LARS1: variants seen among roughly 807,000 people sequenced by gnomAD.
LARS1 encodes leucine--tRNA ligase, cytoplasmic.
LARS1 carries 100 observed loss-of-function variants against 162.8 expected under a neutral mutation model. That is an observed-to-expected ratio of 0.61 (90% CI 0.52 to 0.73). The LOEUF is 0.73. Among genes scored for constraint, LARS1 ranks in the 30% least tolerant of loss-of-function variants. LARS1 has a pLI of 0.00. For missense variants in LARS1, 1,258 were observed against 1,408.9 expected (o/e 0.89, Z 1.71); for synonymous variants, 457 against 462.8 (o/e 0.99, Z 0.16).
chr5:146,130,992 T>C (rs1343288528), intron 24 of LARS1, 27 bp downstream of exon 24: 3 of 1,310,112 alleles, frequency 2.3e-6, no homozygotes, highest in African/African-American at 1.5e-5. Flanking sequence ...ACATGTTTTA[T>C]AGCTACCAAA....
intron 20 of LARS1, among the ~76,000 whole-genome samples, chr5:146,141,924 G>A (rs57491176): frequency 6.6e-6 from 1 of 152,150 alleles, no homozygotes; most frequent in Non-Finnish European, 1.5e-5. Flanking sequence ...ACTTTGGGAG[G>A]CCAAGGCGGG....
intron 10 of LARS1, among the ~76,000 whole-genome samples, chr5:146,154,845 A>G: frequency 6.6e-6 from 1 of 152,072 alleles, no homozygotes; most frequent in Non-Finnish European, 1.5e-5. Context: ...TTTTATACCT[A>G]CTAGAGGAAA....
At chr5:146,126,612 T>C (rs904597183) in intron 27 of LARS1, 67 bp from the exon 28 acceptor site, 2 of 1,034,282 alleles carry the variant, frequency 1.9e-6, no homozygotes, top group Non-Finnish European at 3.0e-6. Flanking sequence ...GAACAGTAGA[T>C]GTGACCAGGC....
At chr5:146,157,872 T>G (rs1259484109) in intron 8 of LARS1, 77 bp from the exon 9 acceptor site, 1 of 1,386,576 alleles carries the variant, frequency 7.2e-7, no homozygotes, top group East Asian at 2.3e-5. Flanking sequence ...GTGAGAGATC[T>G]GATTCAAGTC....
intron 21 of LARS1, among the ~76,000 whole-genome samples, chr5:146,139,174 T>A (rs1265397815): frequency 1.3e-5 from 2 of 151,342 alleles, no homozygotes; most frequent in African/African-American, 4.9e-5. Flanking sequence ...AAACCCCATC[T>A]CTACGGAAAA....
chr5:146,164,201 A>G, intron 6 of LARS1, 109 bp downstream of exon 6: 2 of 1,132,852 alleles, frequency 1.8e-6, no homozygotes, highest in Non-Finnish European at 2.6e-6. Flanking sequence ...GGTTGCCACA[A>G]ATCTTCAATT....
intron 25 of LARS1, 118 bp downstream of exon 25, chr5:146,129,900 A>G (rs1208507305): frequency 9.8e-7 from 1 of 1,018,844 alleles, no homozygotes; most frequent in Non-Finnish European, 1.4e-6. Flanking sequence ...TGAATCCAGC[A>G]TTACTCTTGA....
rs1435873344 is a variant in LARS1, at chr5:146,113,568, G to T, written c.*538C>A. On this transcript the variant is annotated 3_prime_UTR_variant, in exon 32 of 32. Transcript: ENST00000394434. ...GCTTTAAAAAGTCTTATAAAATGCA[G>T]GACCTATTTGTTCTTTATACAAAAT... 6.6e-6 allele frequency: 1 copy of T among 152,334 alleles called. No homozygotes were observed. The highest frequency in any genetic ancestry group is 2.1e-4 in the South Asian group (1 of 4,846). The allele number at this position is 152,334 out of a possible 1,614,324, so 9.4% of individuals were successfully genotyped here. A position where few individuals can be genotyped will look rare whatever the true frequency, so the allele number is the denominator to read the frequency against.
intron 1 of LARS1, chr5:146,181,069 A>G (rs977238768): frequency 1.3e-5 from 2 of 152,022 alleles, no homozygotes; most frequent in African/African-American, 2.4e-5. Context: ...AAAAATTGCA[A>G]CAGGCCAGGC....
chr5:146,148,230 G>A (rs1388865467), intron 15 of LARS1, among the ~76,000 whole-genome samples: 1 of 152,334 alleles, frequency 6.6e-6, no homozygotes, highest in Admixed American at 6.5e-5. Context: ...AGGAGATCCA[G>A]CTCAAGAGGA....
intron 2 of LARS1, among the ~76,000 whole-genome samples, chr5:146,175,711 C>G (rs2126600120): frequency 6.6e-6 from 1 of 151,966 alleles, no homozygotes; most frequent in East Asian, 1.9e-4. Context: ...GCCTGTAGTT[C>G]CAGCTACTCA....
intron 14 of LARS1, among the ~76,000 whole-genome samples, chr5:146,151,639 G>A (rs532164022): frequency 1.3e-5 from 2 of 152,250 alleles, no homozygotes; most frequent in South Asian, 2.1e-4. Context: ...ACTCCATAGA[G>A]ATTCCTAGAG....
At chr5:146,173,958 T>C (rs1754391353) in intron 2 of LARS1, among the ~76,000 whole-genome samples, 1 of 152,056 alleles carries the variant, frequency 6.6e-6, no homozygotes, top group Non-Finnish European at 1.5e-5. Flanking sequence ...TATATTACTT[T>C]CTTCAGTCTT....
chr5:146,167,007 C>G (rs1754038653), intron 5 of LARS1, among the ~76,000 whole-genome samples: 1 of 152,168 alleles, frequency 6.6e-6, no homozygotes, highest in South Asian at 2.1e-4. Context: ...TCCTCCAAAT[C>G]AATAACCTCA....
intron 31 of LARS1, among the ~76,000 whole-genome samples, chr5:146,118,849 TA>T (rs569833078): frequency 4.6e-5 from 7 of 152,168 alleles, no homozygotes; most frequent in Admixed American, 1.3e-4. Flanking sequence ...TAAAAATGAC[TA>T]AAATAGTAAA....
chr5:146,178,612 C>G (rs1225798713), intron 1 of LARS1, among the ~76,000 whole-genome samples: 1 of 142,398 alleles, frequency 7.0e-6, no homozygotes, highest in Non-Finnish European at 1.6e-5. Flanking sequence ...GAAACTCCAT[C>G]CCCCACCAAA....
intron 23 of LARS1, chr5:146,132,472 CCTTTTCTTTTAATCTA>C (rs1226592094): frequency 6.4e-6 from 1 of 155,488 alleles, no homozygotes; most frequent in African/African-American, 2.4e-5. Flanking sequence ...AGATATTTAT[CCTTTTCTTTTAATCTA>C]CTTTTCCTTT....
chr5:146,181,848 C>CTTTATTTTTTTTTT (rs1754863882), intron 1 of LARS1, among the ~76,000 whole-genome samples: 1 of 53,030 alleles, frequency 1.9e-5, no homozygotes, highest in Non-Finnish European at 3.3e-5. Flanking sequence ...TCAATTTTTT[C>CTTTATTTTTTTTTT]TTTTTTTTTT....
Position 146,157,504 on chromosome 5 carries a change from C to G in LARS1, c.964G>C (p.Asp322His). The change falls in exon 10 of 32, where the codon GAT (aspartate) becomes CAT (histidine). Residue 322 changes from aspartate to histidine, a missense_variant. Physicochemically the swap from Asp to His is moderately conservative, Grantham distance 81 (BLOSUM62 -1). Coordinates refer to ENST00000394434, the MANE Select transcript of LARS1 (RefSeq NM_020117.11). ...GCTTTTTGGGTACAGATGAATATAT[C>G]ACCATTCACCGTCTCAAATCCAATG... ...KYIGFETVNG[D>H]IFICTQKAAR... is the part of the protein sequence containing the mutation. The G allele has an allele frequency of 1.2e-6, 2 of 1,614,046 alleles. No homozygotes were observed. The highest frequency in any genetic ancestry group is 1.7e-6 in the Non-Finnish European group (2 of 1,179,984).
Sources: allele counts gnomAD v4.1 joint callset (sites outside exome capture counted in the v4.1 genomes callset), GRCh38; gene constraint gnomAD v4.1.1; transcripts MANE v1.5; gene names NCBI Gene and HGNC (gene_info 2026-07-23, HGNC 2026-07-21).